Variants in SPC25 observed in about 807,000 individuals in gnomAD.
The protein encoded by SPC25 is kinetochore protein Spc25.
In SPC25, 22 loss-of-function variants were observed where a neutral mutation model predicts 29.6. The observed-to-expected ratio is 0.74, with a 90% CI of 0.53 to 1.06. The LOEUF is 1.06. Among genes scored for constraint, SPC25 ranks in the 50% least tolerant of loss-of-function variants. The pLI is 0.00. For missense variants in SPC25, 230 were observed against 255.8 expected (o/e 0.90, Z 0.69); for synonymous variants, 91 against 90.4 (o/e 1.01, Z -0.04).
At chr2:168,876,532 G>T (rs1257296000) in intron 4 of SPC25, among the ~76,000 whole-genome samples, 2 of 150,772 alleles carry the variant, frequency 1.3e-5, no homozygotes, top group East Asian at 3.9e-4. Flanking sequence ...ATGGGAAAAT[G>T]TTCTCTTCCT....
At chr2:168,868,743 C>T (rs1689919303), downstream of SPC25, among the ~76,000 whole-genome samples, 1 of 152,110 alleles carries the variant, frequency 6.6e-6, no homozygotes, top group East Asian at 1.9e-4. Context: ...AAGTCCAGGA[C>T]CAGATGGATT....
intron 6 of SPC25, among the ~76,000 whole-genome samples, chr2:168,872,894 G>T (rs1190920559): frequency 1.3e-5 from 2 of 152,174 alleles, no homozygotes; most frequent in Non-Finnish European, 2.9e-5. Flanking sequence ...CTGAGTGTCT[G>T]TCAGCTACAA....
At chr2:168,867,601 A>C (rs1472582995), downstream of SPC25, among the ~76,000 whole-genome samples, 1 of 152,296 alleles carries the variant, frequency 6.6e-6, no homozygotes, top group Admixed American at 6.5e-5. Context: ...CTCGAATAAA[A>C]CAGACTTTAA....
chr2:168,864,760 T>TAAAACTCTTATCAATCGGGCTGAG, intron 4 of SPC25: 1 of 1,561,220 alleles, frequency 6.4e-7, no homozygotes, highest in Non-Finnish European at 8.7e-7. Context: ...AGAACCTCCT[T>TAAAACTCTTATCAATCGGGCTGAG]AAAACTCTTA....
downstream of SPC25, among the ~76,000 whole-genome samples, chr2:168,865,999 C>G (rs1397950560): frequency 5.3e-5 from 8 of 152,290 alleles, no homozygotes; most frequent in African/African-American, 9.6e-5. Context: ...AAGAACATTC[C>G]ATGCTCATGG....
chr2:168,878,239 G>T lies in SPC25; in HGVS notation c.200-855C>A, dbSNP rs76895929. On this transcript the variant is annotated intron_variant, in intron 3 of 6. Coordinates refer to ENST00000282074, the MANE Select transcript of SPC25 (RefSeq NM_020675.4). ...CACTTAAAAACATAGGTGCAAAGAT[G>T]CTCAATAAAATATTAAGTTACATTA... is the stretch of plus-strand genomic sequence containing the variant. 1.1e-3 allele frequency among the ~76,000 whole-genome samples: 166 copies of T among 152,258 alleles called. 2 individuals carry two copies. Among genetic ancestry groups the T allele is most frequent in the Admixed American group, 9.2e-3 (141 of 15,290 alleles).
At chr2:168,874,039 T>G (rs1250983695) in intron 5 of SPC25, among the ~76,000 whole-genome samples, 1 of 152,082 alleles carries the variant, frequency 6.6e-6, no homozygotes, top group East Asian at 1.9e-4. Context: ...CTCCTGCAAC[T>G]AAAAACCACC....
At position 168,889,416 on chromosome 2, in the gene SPC25, G is replaced by A; in HGVS notation, c.104C>T (p.Thr35Ile). 1 of 1,614,068 alleles carries A rather than the reference G, an allele frequency of 6.2e-7. No individual in the cohort carries two copies. The highest frequency in any genetic ancestry group is 8.5e-7 in the Non-Finnish European group (1 of 1,180,024). ...TSCQMAGLRDTYKDSIKAFAE... is the reference protein window; with the variant it reads ...TSCQMAGLRDIYKDSIKAFAE... The stretch of plus-strand genomic sequence containing the variant: ...AAATGCTTTGATGGAATCCTTGTAG[G>A]TATCTCTTAGTCCCGCCATCTGACA... The change falls in exon 2 of 7, where the codon ACC becomes ATC. Residue 35 changes from threonine (T) to isoleucine (I), a missense_variant. Transcript: ENST00000282074.
At chr2:168,863,027 AAG>A (rs1559146470) in intron 4 of SPC25, among the ~76,000 whole-genome samples, 2 of 151,778 alleles carry the variant, frequency 1.3e-5, no homozygotes, top group African/African-American at 2.4e-5. Flanking sequence ...ATGTGAATAA[AAG>A]ACAGACATAC....
At chr2:168,875,990 A>G (rs555380569) in intron 5 of SPC25, 82 bp downstream of exon 5, 89 of 728,632 alleles carry the variant, frequency 1.2e-4, no homozygotes, top group Non-Finnish European at 1.6e-4. Flanking sequence ...TTTTAGTTGA[A>G]AATATTTTTA....
intron 3 of SPC25, among the ~76,000 whole-genome samples, chr2:168,885,133 C>T (rs184167972): frequency 6.6e-6 from 1 of 152,280 alleles, no homozygotes; most frequent in East Asian, 1.9e-4. Flanking sequence ...CATATTCACC[C>T]AACATGTTTA....
At chr2:168,865,125 C>A in intron 4 of SPC25, 3 of 788,104 alleles carry the variant, frequency 3.8e-6, no homozygotes, top group Non-Finnish European at 5.9e-6. Context: ...TGATTATTAG[C>A]TTGAAACAGT....
downstream of SPC25, among the ~76,000 whole-genome samples, chr2:168,867,736 C>G (rs570393819): frequency 1.3e-5 from 2 of 152,184 alleles, no homozygotes; most frequent in South Asian, 4.1e-4. Context: ...ATTCATAAAG[C>G]AAGTCCACAA....
At chr2:168,873,834 A>G (rs16856071) in intron 5 of SPC25, 151 bp from the exon 6 acceptor site, 180,810 of 442,178 alleles carry the variant, frequency 0.41, 39,034 homozygotes, top group Non-Finnish European at 0.46. Flanking sequence ...GTTTTAAAAT[A>G]TATTATAGTT....
At chr2:168,866,056 T>C (rs1177353788), downstream of SPC25, among the ~76,000 whole-genome samples, 1 of 152,300 alleles carries the variant, frequency 6.6e-6, no homozygotes, top group Non-Finnish European at 1.5e-5. Flanking sequence ...CCCAAGGTAA[T>C]TTATAGATTC....
chr2:168,869,062 CAATAAACGT>C (rs1689929365), downstream of SPC25, among the ~76,000 whole-genome samples: 1 of 152,176 alleles, frequency 6.6e-6, no homozygotes, highest in Non-Finnish European at 1.5e-5. Flanking sequence ...ATACGAAAAT[CAATAAACGT>C]AATCCAGCAT....
chr2:168,886,267 G>A (rs890237609), intron 3 of SPC25, among the ~76,000 whole-genome samples: 10 of 151,858 alleles, frequency 6.6e-5, no homozygotes, highest in Non-Finnish European at 1.2e-4. Flanking sequence ...TATTGCCCAG[G>A]CTGGTCTTGA....
chr2:168,881,639 T>C (rs1336428405), intron 3 of SPC25, among the ~76,000 whole-genome samples: 1 of 152,238 alleles, frequency 6.6e-6, no homozygotes, highest in African/African-American at 2.4e-5. Context: ...GTTTTACTAA[T>C]ACTTAAATGA....
intron 4 of SPC25, chr2:168,863,628 G>GAGTT (rs1445679618): frequency 8.1e-6 from 8 of 983,998 alleles, no homozygotes; most frequent in Middle Eastern, 5.2e-4. Context: ...GTTGAATGGG[G>GAGTT]AGTTACATTT....
Sources: allele counts gnomAD v4.1 joint callset (sites outside exome capture counted in the v4.1 genomes callset), GRCh38; gene constraint gnomAD v4.1.1; transcripts MANE v1.5; gene names NCBI Gene and HGNC (gene_info 2026-07-23, HGNC 2026-07-21).